Variants in SGCZ observed in about 807,000 individuals in gnomAD.
SGCZ encodes zeta-sarcoglycan.
In SGCZ, 40 loss-of-function variants were observed where a neutral mutation model predicts 41.3. The ratio of observed to expected loss-of-function variants is 0.97; its 90% CI spans 0.75 to 1.26. The LOEUF (loss-of-function observed/expected upper bound fraction) is 1.26, where lower values mean the gene tolerates loss of function less well. Ranked by LOEUF, SGCZ falls within the 50% of genes most tolerant of loss-of-function variation. The pLI is 0.00. For missense variants in SGCZ, 552 were observed against 369.8 expected, an observed-to-expected ratio of 1.49 and a Z score of -4.04; for synonymous variants, 206 against 137.5, an observed-to-expected ratio of 1.50 and a Z score of -3.49.
At chr8:14,785,970 GACTC>G (rs940999859) in intron 1 of SGCZ, among the ~76,000 whole-genome samples, 71 of 145,574 alleles carry the variant, frequency 4.9e-4, no homozygotes, top group African/African-American at 1.8e-3. Context: ...CAAAAAAAGT[GACTC>G]ACAATTTGCA....
intron 1 of SGCZ, among the ~76,000 whole-genome samples, chr8:15,161,234 T>A (rs945600886): frequency 1.1e-4 from 17 of 152,086 alleles, no homozygotes; most frequent in African/African-American, 4.1e-4. Flanking sequence ...CTTTAAACGC[T>A]CTCCCCCTAC....
chr8:14,508,144 C>G (rs1217263446), intron 2 of SGCZ, among the ~76,000 whole-genome samples: 1 of 152,038 alleles, frequency 6.6e-6, no homozygotes, highest in African/African-American at 2.4e-5. Flanking sequence ...TTCATTTTCC[C>G]AAGAACTTAC....
chr8:14,220,779 T>G (rs1347673434), intron 4 of SGCZ, among the ~76,000 whole-genome samples: 1 of 74,548 alleles, frequency 1.3e-5, no homozygotes, highest in East Asian at 4.1e-4. Flanking sequence ...AGAGGGATAC[T>G]CTGCCAAAAA....
Position 14,980,215 on chromosome 8 carries a change from C to T in SGCZ, c.39+257370G>A, listed in dbSNP as rs1163933121. On this transcript the variant is annotated intron_variant, in intron 1 of 7. Coordinates refer to ENST00000382080, the MANE Select transcript of SGCZ (RefSeq NM_139167.4). ...CTAGCTTAAAATGAAATGTTTTGGC[C>T]TGACTGTGCTCTTTCCCTGATCCTA... is the stretch of plus-strand genomic sequence containing the variant. Among the ~76,000 whole-genome samples, 6 of 152,142 alleles carry T rather than the reference C, an allele frequency of 3.9e-5. No homozygotes were observed. In the South Asian group the frequency reaches 8.3e-4, roughly 21 times the overall value.
At chr8:14,962,650 T>G (rs1176682534) in intron 1 of SGCZ, among the ~76,000 whole-genome samples, 1 of 152,118 alleles carries the variant, frequency 6.6e-6, no homozygotes, top group African/African-American at 2.4e-5. Context: ...GTAAGGAAAG[T>G]AACACAGTCA....
At chr8:14,361,121 A>G (rs1055849486) in intron 2 of SGCZ, among the ~76,000 whole-genome samples, 2 of 152,068 alleles carry the variant, frequency 1.3e-5, no homozygotes, top group Admixed American at 1.3e-4. Flanking sequence ...TGGACTCGCT[A>G]ATTGGATTGT....
At chr8:14,450,403 A>C (rs187792494) in intron 2 of SGCZ, among the ~76,000 whole-genome samples, 2 of 152,242 alleles carry the variant, frequency 1.3e-5, no homozygotes, top group East Asian at 3.8e-4. Flanking sequence ...TATAGTCAGC[A>C]CAGCCCAACA....
intron 1 of SGCZ, among the ~76,000 whole-genome samples, chr8:14,989,911 C>T (rs1195618966): frequency 2.0e-5 from 3 of 152,182 alleles, no homozygotes; most frequent in African/African-American, 7.2e-5. Flanking sequence ...GACAAGTGAA[C>T]TGTCCTGGGT....
intron 1 of SGCZ, among the ~76,000 whole-genome samples, chr8:14,647,148 A>C (rs2117445657): frequency 6.6e-6 from 1 of 152,086 alleles, no homozygotes; most frequent in Non-Finnish European, 1.5e-5. Context: ...CATCTAGACT[A>C]TTTTTTAAGA....
chr8:14,477,385 G>C (rs1177768226), intron 2 of SGCZ, among the ~76,000 whole-genome samples: 1 of 152,040 alleles, frequency 6.6e-6, no homozygotes, highest in Non-Finnish European at 1.5e-5. Context: ...ATTCTTCACT[G>C]AAATTTGCTA....
At chr8:14,744,738 T>C (rs957990992) in intron 1 of SGCZ, among the ~76,000 whole-genome samples, 1 of 152,174 alleles carries the variant, frequency 6.6e-6, no homozygotes, top group Non-Finnish European at 1.5e-5. Context: ...AAATGTTCAA[T>C]GAGAGATTAT....
At chr8:14,387,958 A>G (rs1489680884) in intron 2 of SGCZ, among the ~76,000 whole-genome samples, 1 of 152,152 alleles carries the variant, frequency 6.6e-6, no homozygotes, top group Non-Finnish European at 1.5e-5. Context: ...AAAGTGGCTT[A>G]CCAAATGTAG....
chr8:14,228,038 ATCT>A (rs35409382), intron 4 of SGCZ, among the ~76,000 whole-genome samples: 54,298 of 151,596 alleles, frequency 0.36, 10,115 homozygotes, highest in Non-Finnish European at 0.42. Flanking sequence ...GAAGTGAATG[ATCT>A]TCTGTGTACA....
At chr8:14,425,980 A>C (rs13271129) in intron 2 of SGCZ, among the ~76,000 whole-genome samples, 30,063 of 151,994 alleles carry the variant, frequency 0.2, 3,730 homozygotes, top group Non-Finnish European at 0.29. Context: ...TAAAGCACTT[A>C]TGTACCTAAA....
At chr8:14,993,742 C>G (rs182558490) in intron 1 of SGCZ, among the ~76,000 whole-genome samples, 1 of 152,040 alleles carries the variant, frequency 6.6e-6, no homozygotes, top group Non-Finnish European at 1.5e-5. Flanking sequence ...GTGTACCTGG[C>G]GCAGCATGAA....
At chr8:14,324,657 T>C (rs1027413447) in intron 2 of SGCZ, among the ~76,000 whole-genome samples, 1 of 152,164 alleles carries the variant, frequency 6.6e-6, no homozygotes, top group African/African-American at 2.4e-5. Flanking sequence ...AATTAATGAT[T>C]GTCTGATATT....
intron 2 of SGCZ, among the ~76,000 whole-genome samples, chr8:14,494,355 C>T (rs976449851): frequency 1.3e-5 from 2 of 152,138 alleles, no homozygotes; most frequent in South Asian, 2.1e-4. Flanking sequence ...CTACTGTTTT[C>T]ATGAATTCAA....
chr8:14,389,905 C>T (rs183687592), intron 2 of SGCZ, among the ~76,000 whole-genome samples: 21 of 152,034 alleles, frequency 1.4e-4, no homozygotes, highest in African/African-American at 5.1e-4. Context: ...CCAAGGGTAT[C>T]AGAACTTCTC....
intron 1 of SGCZ, among the ~76,000 whole-genome samples, chr8:15,145,658 T>C (rs1426336216): frequency 3.9e-5 from 6 of 152,114 alleles, no homozygotes; most frequent in Non-Finnish European, 8.8e-5. Flanking sequence ...TCTTACTATG[T>C]TTCCGAGGCT....
Sources: gnomAD v4.1 joint callset for allele counts (sites outside exome capture counted in the v4.1 genomes callset) on GRCh38, gnomAD v4.1.1 for gene constraint, MANE v1.5 for transcripts, NCBI Gene and HGNC (gene_info 2026-07-23, HGNC 2026-07-21) for gene names.